Variants in PCDH15 observed in about 807,000 individuals in gnomAD.
The protein encoded by PCDH15 is protocadherin related 15.
PCDH15 carries 129 observed loss-of-function variants against 178.5 expected under a neutral mutation model. The observed-to-expected ratio is 0.72, with a 90% confidence interval of 0.63 to 0.84. The LOEUF is 0.84. Ranked by LOEUF, PCDH15 falls within the 40% of genes least tolerant of loss-of-function variation. The probability of loss-of-function intolerance (pLI) is 0.00; values close to 1 mark genes in which losing one functional copy is unlikely to be tolerated. For missense variants in PCDH15, 2,230 were observed against 2,099.9 expected (o/e 1.06, Z -1.21); for synonymous variants, 800 against 732.0 (o/e 1.09, Z -1.50).
intron 1 of PCDH15, among the ~76,000 whole-genome samples, chr10:54,750,431 A>G (rs1946075901): frequency 6.6e-6 from 1 of 152,098 alleles, no homozygotes; most frequent in Admixed American, 6.5e-5. Flanking sequence ...AATACAGGTA[A>G]GTTAGGGCAA....
chr10:54,011,610 C>T (rs748888080), intron 20 of PCDH15, among the ~76,000 whole-genome samples: 3 of 152,142 alleles, frequency 2.0e-5, no homozygotes, highest in Admixed American at 1.3e-4. Context: ...AGGAGACTGA[C>T]GAAGAGTCTA....
chr10:55,340,342 G>T (rs1392101466), intron 2 of PCDH15, among the ~76,000 whole-genome samples: 1 of 151,668 alleles, frequency 6.6e-6, no homozygotes, highest in African/African-American at 2.4e-5. Flanking sequence ...AACAATGTTG[G>T]TTTATACCTG....
At chr10:55,157,798 C>T (rs145050083) in intron 2 of PCDH15, among the ~76,000 whole-genome samples, 2,150 of 151,304 alleles carry the variant, frequency 0.014, 25 homozygotes, top group Non-Finnish European at 0.024. Flanking sequence ...CACACTGGGG[C>T]CTGCTGTGGG....
Position 55,009,739 on chromosome 10 carries a change from C to T in PCDH15, c.-79-112239G>A, listed in dbSNP as rs969680914. ...AAGAAATCTAGTTTAACTTTGCAAT[C>T]GAAAACTAAAGAGCGAAACAGAATC... On this transcript the variant is annotated intron_variant, in intron 2 of 5. Coordinates refer to the PCDH15 transcript ENST00000458638. Among the ~76,000 whole-genome samples the T allele has an allele frequency of 5.9e-5, 9 of 152,074 alleles. No individual in the cohort carries two copies. In the East Asian group the frequency reaches 1.2e-3, roughly 20 times the overall value.
At chr10:54,637,478 A>G (rs1325122516) in intron 2 of PCDH15, among the ~76,000 whole-genome samples, 1 of 151,982 alleles carries the variant, frequency 6.6e-6, no homozygotes, top group Non-Finnish European at 1.5e-5. Flanking sequence ...TCCTTGACTC[A>G]TGGTTCTTCT....
chr10:55,392,166 G>T (rs1837808785), intron 2 of PCDH15, among the ~76,000 whole-genome samples: 2 of 152,092 alleles, frequency 1.3e-5, no homozygotes, highest in African/African-American at 4.8e-5. Flanking sequence ...ACTGAACACA[G>T]ATCACCAAAA....
chr10:55,179,471 C>T (rs1277745415), intron 1 of PCDH15, among the ~76,000 whole-genome samples: 2 of 151,988 alleles, frequency 1.3e-5, no homozygotes, highest in Non-Finnish European at 2.9e-5. Context: ...CCCACTCTCC[C>T]TCAATTTGTT....
chr10:54,191,758 A>G (rs1450729266), intron 11 of PCDH15, among the ~76,000 whole-genome samples: 64 of 149,896 alleles, frequency 4.3e-4, no homozygotes, highest in South Asian at 1.5e-3. Context: ...ATGCAAAAAA[A>G]AAAAAAAAAA....
intron 2 of PCDH15, among the ~76,000 whole-genome samples, chr10:54,989,727 A>G (rs1591822378): frequency 6.6e-6 from 1 of 152,206 alleles, no homozygotes; most frequent in Non-Finnish European, 1.5e-5. Context: ...GAAATGAGTT[A>G]TAACTTTGGG....
intron 4 of PCDH15, among the ~76,000 whole-genome samples, chr10:54,378,420 T>C (rs1948758229): frequency 6.6e-6 from 1 of 151,994 alleles, no homozygotes; most frequent in Non-Finnish European, 1.5e-5. Flanking sequence ...CCAAACTACA[T>C]CTTCAAGCCG....
chr10:55,626,864 C>A (rs1837539976), intron 2 of PCDH15, among the ~76,000 whole-genome samples: 1 of 152,154 alleles, frequency 6.6e-6, no homozygotes, highest in Non-Finnish European at 1.5e-5. Flanking sequence ...GGAAAGAAGT[C>A]TTTTATCATC....
intron 3 of PCDH15, among the ~76,000 whole-genome samples, chr10:54,430,581 C>G (rs2135990938): frequency 6.6e-6 from 1 of 151,966 alleles, no homozygotes; most frequent in African/African-American, 2.4e-5. Flanking sequence ...GAAGGAAGTT[C>G]AAAAAGATCC....
intron 3 of PCDH15, among the ~76,000 whole-genome samples, chr10:54,466,480 G>C (rs2136581062): frequency 6.6e-6 from 1 of 151,790 alleles, no homozygotes; most frequent in African/African-American, 2.4e-5. Flanking sequence ...AAAATCAGCT[G>C]GCTGTAAATA....
chr10:54,084,188 C>G (rs557584096), intron 16 of PCDH15, among the ~76,000 whole-genome samples: 1 of 151,736 alleles, frequency 6.6e-6, no homozygotes, highest in Non-Finnish European at 1.5e-5. Context: ...CAGGTTCAAG[C>G]GATTCTCCTG....
At chr10:54,829,778 T>C (rs1015060277) in intron 3 of PCDH15, among the ~76,000 whole-genome samples, 4 of 152,122 alleles carry the variant, frequency 2.6e-5, no homozygotes, top group African/African-American at 9.6e-5. Context: ...TTCATGTCAT[T>C]ATGAATAACC....
At chr10:54,501,914 A>G (rs1408296102) in intron 3 of PCDH15, among the ~76,000 whole-genome samples, 4 of 152,132 alleles carry the variant, frequency 2.6e-5, no homozygotes, top group Non-Finnish European at 5.9e-5. Context: ...GCATGCATGC[A>G]TATCCATCTG....
intron 2 of PCDH15, among the ~76,000 whole-genome samples, chr10:54,958,201 T>C (rs956549730): frequency 1.3e-5 from 2 of 151,684 alleles, no homozygotes; most frequent in African/African-American, 4.8e-5. Flanking sequence ...GTATCTTCCA[T>C]GTATATGTGA....
At chr10:54,577,371 C>A (rs570060652) in intron 2 of PCDH15, among the ~76,000 whole-genome samples, 1 of 151,638 alleles carries the variant, frequency 6.6e-6, no homozygotes, top group Non-Finnish European at 1.5e-5. Flanking sequence ...GGATTACAGG[C>A]GTGAGCCACC....
intron 3 of PCDH15, among the ~76,000 whole-genome samples, chr10:54,816,549 T>C (rs1952952882): frequency 6.6e-6 from 1 of 152,066 alleles, no homozygotes; most frequent in South Asian, 2.1e-4. Flanking sequence ...ATATTTTTCA[T>C]GCCCTTTGAT....
Sources: allele counts gnomAD v4.1 joint callset (sites outside exome capture counted in the v4.1 genomes callset), GRCh38; gene constraint gnomAD v4.1.1; transcripts MANE v1.5; gene names NCBI Gene and HGNC (gene_info 2026-07-23, HGNC 2026-07-21).